NTNG1: variants seen among roughly 807,000 people sequenced by gnomAD.
NTNG1 encodes the protein netrin-G1.
In NTNG1, 16 loss-of-function variants were observed where a neutral mutation model predicts 54.0. The observed-to-expected ratio is 0.30, with a 90% CI of 0.20 to 0.45. The LOEUF (loss-of-function observed/expected upper bound fraction) is 0.45, where lower values mean the gene tolerates loss of function less well. NTNG1 is among the 20% of genes least tolerant of loss of function. The pLI is 1.00. For missense variants in NTNG1, 530 were observed against 678.7 expected, an observed-to-expected ratio of 0.78 and a Z score of 2.43; for synonymous variants, 255 against 263.1, an observed-to-expected ratio of 0.97 and a Z score of 0.30.
At position 107,429,948 on chromosome 1, in the gene NTNG1, C is replaced by T. The variant is rs372426992; in HGVS notation, c.1088-802C>T. On this transcript the variant is annotated intron_variant, in intron 5 of 7. Transcript: ENST00000370068. ...GTCATTACCACCATCACTCCTAAGC[C>T]TCAGAGACACCTCTAACATTTCAGA... 6.6e-5 allele frequency among the ~76,000 whole-genome samples: 10 copies of T among 152,258 alleles called. No homozygotes were observed. In the East Asian group the frequency reaches 1.4e-3, roughly 21 times the overall value.
chr1:107,263,949 T>A (rs895463117), intron 2 of NTNG1, among the ~76,000 whole-genome samples: 2 of 152,204 alleles, frequency 1.3e-5, no homozygotes, highest in African/African-American at 2.4e-5. Flanking sequence ...TTAAAAAAAA[T>A]GTATTATGCT....
At chr1:107,192,580 A>G (rs1367849891) in intron 2 of NTNG1, among the ~76,000 whole-genome samples, 2 of 152,004 alleles carry the variant, frequency 1.3e-5, no homozygotes, top group Non-Finnish European at 2.9e-5. Context: ...CTAGGGACAC[A>G]TGTATTTGCC....
intron 2 of NTNG1, among the ~76,000 whole-genome samples, chr1:107,236,819 C>T (rs750852384): frequency 3.2e-4 from 49 of 152,194 alleles, no homozygotes; most frequent in African/African-American, 1.1e-3. Flanking sequence ...TGCCTTCTGC[C>T]GTAATTGTGA....
chr1:107,267,972 G>T (rs1436868604), intron 2 of NTNG1, among the ~76,000 whole-genome samples: 1 of 152,070 alleles, frequency 6.6e-6, no homozygotes, highest in Non-Finnish European at 1.5e-5. Flanking sequence ...TGGATAAATT[G>T]TCCCCATTCC....
intron 2 of NTNG1, among the ~76,000 whole-genome samples, chr1:107,181,491 TGAAA>T (rs1485575390): frequency 6.6e-6 from 1 of 152,216 alleles, no homozygotes; most frequent in Non-Finnish European, 1.5e-5. Flanking sequence ...TTAACTTATA[TGAAA>T]GAGAGTGTGA....
chr1:107,436,642 T>C, intron 6 of NTNG1, 23 bp from the exon 7 acceptor site: 2 of 1,608,978 alleles, frequency 1.2e-6, no homozygotes, highest in Non-Finnish European at 8.5e-7. Context: ...GTCTCCAGCC[T>C]GTGTGTTGTC....
intron 2 of NTNG1, among the ~76,000 whole-genome samples, chr1:107,304,084 C>T (rs116263113): frequency 1.7e-3 from 255 of 151,792 alleles, no homozygotes; most frequent in African/African-American, 6.0e-3. Flanking sequence ...CAGCCTATTA[C>T]AACAAGTATT....
At chr1:107,287,626 G>A (rs1191605772) in intron 2 of NTNG1, among the ~76,000 whole-genome samples, 2 of 152,100 alleles carry the variant, frequency 1.3e-5, no homozygotes, top group Non-Finnish European at 2.9e-5. Context: ...TTGATGGTAG[G>A]GGAAAAGGTT....
intron 2 of NTNG1, among the ~76,000 whole-genome samples, chr1:107,229,217 T>C: frequency 6.6e-6 from 1 of 151,500 alleles, no homozygotes; most frequent in Non-Finnish European, 1.5e-5. Flanking sequence ...AATAACTGAT[T>C]GCAGGGCAAT....
chr1:107,279,014 A>T (rs1470601879), intron 2 of NTNG1, among the ~76,000 whole-genome samples: 1 of 152,164 alleles, frequency 6.6e-6, no homozygotes, highest in African/African-American at 2.4e-5. Flanking sequence ...GGTTGATTCT[A>T]AAAGTTAAAA....
At chr1:107,190,022 T>C (rs1000923614) in intron 2 of NTNG1, among the ~76,000 whole-genome samples, 3 of 152,120 alleles carry the variant, frequency 2.0e-5, no homozygotes, top group African/African-American at 7.2e-5. Flanking sequence ...ACAATATGGA[T>C]GAATCTTGAA....
chr1:107,331,536 AAAAT>A (rs1236614396), intron 3 of NTNG1, among the ~76,000 whole-genome samples: 4 of 152,166 alleles, frequency 2.6e-5, no homozygotes, highest in East Asian at 1.9e-4. Context: ...TGGGGAGACA[AAAAT>A]AAATAAATAA....
At chr1:107,177,839 G>A (rs1206921075) in intron 2 of NTNG1, among the ~76,000 whole-genome samples, 1 of 151,940 alleles carries the variant, frequency 6.6e-6, no homozygotes, top group Non-Finnish European at 1.5e-5. Context: ...TTGTATTCAT[G>A]TATGTTGATC....
At chr1:107,314,441 A>T (rs192828654) in intron 2 of NTNG1, among the ~76,000 whole-genome samples, 118 of 88,670 alleles carry the variant, frequency 1.3e-3, no homozygotes, top group African/African-American at 4.8e-3. Flanking sequence ...ATAAATAAAT[A>T]AATAAAAATG....
At position 107,484,072 on chromosome 1, in the gene NTNG1, C is replaced by T. The variant is rs1385145356; in HGVS notation, c.*3232C>T. Among the ~76,000 whole-genome samples, 2 of 152,276 alleles carry T rather than the reference C, an allele frequency of 1.3e-5. No homozygotes were observed. Among genetic ancestry groups the T allele is most frequent in the South Asian group, 2.1e-4 (1 of 4,826 alleles). Reference sequence around the variant, plus strand: ...CGCACACTTTTAGGCCAAATGTAGGCCCCCTCTGGGGGTTTAAACTCCTGG... The same window carrying T: ...CGCACACTTTTAGGCCAAATGTAGGTCCCCTCTGGGGGTTTAAACTCCTGG... On this transcript the variant is annotated 3_prime_UTR_variant, in exon 8 of 8. Coordinates refer to ENST00000370068, the MANE Select transcript of NTNG1 (RefSeq NM_001113226.3).
chr1:107,434,228 T>C (rs1022750390), intron 6 of NTNG1, among the ~76,000 whole-genome samples: 2 of 152,190 alleles, frequency 1.3e-5, no homozygotes, highest in Non-Finnish European at 2.9e-5. Flanking sequence ...TGTGATGAAA[T>C]AGATGTTGTA....
At chr1:107,204,228 GT>G (rs1408353284) in intron 2 of NTNG1, among the ~76,000 whole-genome samples, 1 of 152,050 alleles carries the variant, frequency 6.6e-6, no homozygotes, top group East Asian at 1.9e-4. Context: ...CTGTTTTGGA[GT>G]TTTGGTTTGA....
intron 7 of NTNG1, among the ~76,000 whole-genome samples, chr1:107,471,269 A>G (rs1277549161): frequency 6.6e-6 from 1 of 152,170 alleles, no homozygotes; most frequent in African/African-American, 2.4e-5. Context: ...TGGGTTCATT[A>G]TGCTGAAACC....
intron 2 of NTNG1, among the ~76,000 whole-genome samples, chr1:107,286,316 A>G (rs77273309): frequency 1.6e-4 from 25 of 152,276 alleles, no homozygotes; most frequent in Non-Finnish European, 3.1e-4. Flanking sequence ...ATTTCTCAGT[A>G]ACAACTCTAT....
Sources: gnomAD v4.1 joint callset for allele counts (sites outside exome capture counted in the v4.1 genomes callset) on GRCh38, gnomAD v4.1.1 for gene constraint, MANE v1.5 for transcripts, NCBI Gene and HGNC (gene_info 2026-07-23, HGNC 2026-07-21) for gene names.